The following CUX2 variants were observed in gnomAD, a reference collection of about 807,000 sequenced individuals.
CUX2 encodes homeobox protein cut-like 2.
A neutral mutation model predicts 144.8 loss-of-function variants in CUX2; 40 were observed. That is an observed-to-expected ratio of 0.28 (90% confidence interval 0.21 to 0.36). The LOEUF (loss-of-function observed/expected upper bound fraction) is 0.36, where lower values mean the gene tolerates loss of function less well. CUX2 is among the 10% of genes least tolerant of loss of function. CUX2 has a pLI of 1.00. For missense variants in CUX2, 1,615 were observed against 1,994.0 expected (o/e 0.81, Z 3.62); for synonymous variants, 827 against 875.6 (o/e 0.94, Z 0.98).
chr12:111,286,821 A>G (rs1176892284), intron 4 of CUX2, among the ~76,000 whole-genome samples: 1 of 152,120 alleles, frequency 6.6e-6, no homozygotes, highest in East Asian at 1.9e-4. Flanking sequence ...GTGAGCCAAG[A>G]TCGAGCCTTG....
In CUX2 at chr12:111,320,028, G is replaced by A. The variant is rs1245635871; in HGVS notation, c.2019G>A (p.Ser673=). The A allele has an allele frequency of 2.0e-6, 3 of 1,532,638 alleles. No homozygotes were observed. Among genetic ancestry groups the A allele is most frequent in the African/African-American group, 1.4e-5 (1 of 71,864 alleles). 94.9% of individuals were successfully genotyped at this position (1,532,638 alleles called of 1,614,324 possible). A position where few individuals can be genotyped will look rare whatever the true frequency, so the allele number is the denominator to read the frequency against. Residue 673 remains serine (S), a synonymous_variant, in exon 17 of 22, where the codon TCG becomes TCA. Transcript: ENST00000261726. The surrounding 1 kb of genome is among the most constrained non-coding windows in gnomAD (Gnocchi z 8.1). ...TCCCCGCAGGCGAGCCCAAGACCTC[G>A]GTGGCCCCGCTGAGCATCGCCAACG... ...ESQKGGEPKT[S]VAPLSIANGT...
rs866914776 is a variant in CUX2 at position 111,184,599 on chromosome 12, A to C, written c.64-29601A>C. Among the ~76,000 whole-genome samples the C allele has an allele frequency of 6.6e-3, 970 of 146,850 alleles. 16 individuals are homozygous for C. The highest frequency in any genetic ancestry group is 0.024 in the African/African-American group (926 of 38,418). On this transcript the variant is annotated intron_variant, in intron 1 of 21. Transcript: ENST00000261726. ...AAAAAAAAAAAAAAAAAAAAAAAAA[A>C]CAGAAAAATTAGCTGGGTAAGGTGG...
At chr12:111,116,046 C>A (rs918813147) in intron 1 of CUX2, among the ~76,000 whole-genome samples, 2 of 152,182 alleles carry the variant, frequency 1.3e-5, no homozygotes, top group African/African-American at 2.4e-5. Flanking sequence ...AATCCCTCAC[C>A]CCTTTCTTGG....
Position 111,259,652 on chromosome 12 carries a change from T to A in CUX2, c.223-4109T>A, listed in dbSNP as rs12309486. Among the ~76,000 whole-genome samples, 908 of 151,952 alleles carry A rather than the reference T, an allele frequency of 6.0e-3. 10 individuals are homozygous for A. The highest frequency in any genetic ancestry group is 0.021 in the African/African-American group (876 of 41,470). On this transcript the variant is annotated intron_variant, in intron 3 of 21. Coordinates refer to ENST00000261726, the MANE Select transcript of CUX2 (RefSeq NM_015267.4). ...GCTGAGGCAGGCAAATCACTTGAGA[T>A]CAGGAGTTCAAGACCAGCTTGAGCA... is the stretch of plus-strand genomic sequence containing the variant.
intron 1 of CUX2, among the ~76,000 whole-genome samples, chr12:111,085,474 C>T (rs1872154768): frequency 6.6e-6 from 1 of 152,106 alleles, no homozygotes; most frequent in Non-Finnish European, 1.5e-5. Context: ...TCCTGGAAGC[C>T]AGTGGGGATG....
rs1381821916 is a variant in CUX2, at chr12:111,310,956, C to A, written c.1900+274C>A. 1.3e-5 allele frequency among the ~76,000 whole-genome samples: 2 copies of A among 152,246 alleles called. No individual in the cohort carries two copies. The highest frequency in any genetic ancestry group is 2.9e-5 in the Non-Finnish European group (2 of 68,038). On this transcript the variant is annotated intron_variant, in intron 15 of 21. Coordinates refer to ENST00000261726, the MANE Select transcript of CUX2 (RefSeq NM_015267.4). The surrounding 1 kb of genome is among the most constrained non-coding windows in gnomAD (Gnocchi z 7.9). ...AAGGGTGGCGGGAAAAGGCTCCAGG[C>A]GCTGCCCTGGCAGGTATTCATCCAG...
intron 4 of CUX2, among the ~76,000 whole-genome samples, chr12:111,274,220 G>T (rs541545321): frequency 6.6e-6 from 1 of 152,088 alleles, no homozygotes; most frequent in Non-Finnish European, 1.5e-5. Flanking sequence ...ATGAGCTACC[G>T]CGCCTGGTGA....
intron 21 of CUX2, among the ~76,000 whole-genome samples, chr12:111,346,167 CCA>C (rs1408454773): frequency 6.9e-6 from 1 of 145,302 alleles, no homozygotes; most frequent in East Asian, 2.1e-4. Flanking sequence ...TACTTTTGCA[CCA>C]ACCTAACAGA....
intron 1 of CUX2, among the ~76,000 whole-genome samples, chr12:111,043,115 T>A (rs1240891483): frequency 6.6e-6 from 1 of 152,166 alleles, no homozygotes. Flanking sequence ...TAACTAATAA[T>A]TACATATTAA....
rs1249068436 is a variant in CUX2 at position 111,171,701 on chromosome 12, T to C, written c.64-42499T>C. On this transcript the variant is annotated intron_variant, in intron 1 of 21. Coordinates refer to ENST00000261726, the MANE Select transcript of CUX2 (RefSeq NM_015267.4). The surrounding 1 kb of genome is among the most constrained non-coding windows in gnomAD (Gnocchi z 5.0). Reference sequence around the variant, plus strand: ...TTGCAGGCCATAATTAGGGGCTCAGTGTCACCTTTGTCCAGTGCCTGAGCT... The same window carrying C: ...TTGCAGGCCATAATTAGGGGCTCAGCGTCACCTTTGTCCAGTGCCTGAGCT... Among the ~76,000 whole-genome samples, 2 of 152,156 alleles carry C rather than the reference T, an allele frequency of 1.3e-5. No homozygotes were observed. The highest frequency in any genetic ancestry group is 2.9e-5 in the Non-Finnish European group (2 of 68,010).
intron 18 of CUX2, among the ~76,000 whole-genome samples, chr12:111,327,019 T>C (rs1319009848): frequency 2.0e-5 from 3 of 152,142 alleles, no homozygotes; most frequent in Non-Finnish European, 4.4e-5. Context: ...CCATCACCTC[T>C]GTCTAATTCC....
intron 21 of CUX2, among the ~76,000 whole-genome samples, chr12:111,346,836 A>C (rs1410742316): frequency 1.3e-5 from 2 of 152,116 alleles, no homozygotes; most frequent in Non-Finnish European, 2.9e-5. Context: ...ACATAGCAAA[A>C]CACTGTCTCT....
Position 111,071,374 on chromosome 12 carries a change from C to T in CUX2, c.63+37134C>T, listed in dbSNP as rs149109118. On this transcript the variant is annotated intron_variant, in intron 1 of 21. Transcript: ENST00000261726. ...TAATTTGCATTTTCCTGATGATATA[C>T]GACTTGGAGCATCTTTTCATATGCT... Among the ~76,000 whole-genome samples, 274 of 152,236 alleles carry T rather than the reference C, an allele frequency of 1.8e-3. 1 individual carries two copies. The highest frequency in any genetic ancestry group is 6.1e-3 in the African/African-American group (255 of 41,540).
intron 1 of CUX2, among the ~76,000 whole-genome samples, chr12:111,090,367 G>T (rs1313332474): frequency 6.6e-6 from 1 of 152,022 alleles, no homozygotes; most frequent in African/African-American, 2.4e-5. Flanking sequence ...GGGTTCAAGC[G>T]ATTCTCCTGC....
chr12:111,276,771 C>G (rs895919044), intron 4 of CUX2, among the ~76,000 whole-genome samples: 2 of 152,126 alleles, frequency 1.3e-5, no homozygotes, highest in African/African-American at 4.8e-5. Flanking sequence ...CCTCAGCCTC[C>G]CGAGTAGCTG....
chr12:111,252,500 T>C (rs1883607298), intron 3 of CUX2, among the ~76,000 whole-genome samples: 1 of 152,082 alleles, frequency 6.6e-6, no homozygotes, highest in African/African-American at 2.4e-5. Context: ...CCAGGGAGCT[T>C]GCAAGAGGTC....
chr12:111,107,989 T>C (rs1337474640), intron 1 of CUX2, among the ~76,000 whole-genome samples: 1 of 152,174 alleles, frequency 6.6e-6, no homozygotes, highest in Non-Finnish European at 1.5e-5. Context: ...CTGATGTCGT[T>C]TTTCTGGTCC....
chr12:111,174,039 A>G (rs1878697609), intron 1 of CUX2, among the ~76,000 whole-genome samples: 1 of 152,218 alleles, frequency 6.6e-6, no homozygotes, highest in African/African-American at 2.4e-5. Context: ...GGACTGTGGG[A>G]GGAAATGCTG....
At chr12:111,346,177 A>T (rs1888797760) in intron 21 of CUX2, among the ~76,000 whole-genome samples, 1 of 147,468 alleles carries the variant, frequency 6.8e-6, no homozygotes, top group African/African-American at 2.5e-5. Flanking sequence ...CCAACCTAAC[A>T]GAAAATGAAA....
Sources: allele counts gnomAD v4.1 joint callset (sites outside exome capture counted in the v4.1 genomes callset), GRCh38; gene constraint gnomAD v4.1.1; non-coding constraint Gnocchi (gnomAD v3.1); transcripts MANE v1.5; gene names NCBI Gene and HGNC (gene_info 2026-07-23, HGNC 2026-07-21).